The following ANO3 variants were observed in gnomAD, a reference collection of about 807,000 sequenced individuals.
ANO3 encodes anoctamin-3.
A neutral mutation model predicts 144.8 loss-of-function variants in ANO3; 99 were observed. The ratio of observed to expected loss-of-function variants is 0.68; its 90% CI spans 0.58 to 0.81. The LOEUF (loss-of-function observed/expected upper bound fraction) is 0.81. ANO3 is among the 30% of genes least tolerant of loss of function. The pLI is 0.00. For missense variants in ANO3, 905 were observed against 1,202.2 expected, an observed-to-expected ratio of 0.75 and a Z score of 3.66; for synonymous variants, 414 against 392.6, an observed-to-expected ratio of 1.05 and a Z score of -0.64.
chr11:26,582,312 G>A (rs1425863997), intron 14 of ANO3, among the ~76,000 whole-genome samples: 4 of 152,144 alleles, frequency 2.6e-5, no homozygotes, highest in Non-Finnish European at 4.4e-5. Flanking sequence ...TTCTAACTGA[G>A]GTACTATATC....
chr11:26,564,279 T>C (rs61877026), intron 14 of ANO3, among the ~76,000 whole-genome samples: 4,974 of 151,756 alleles, frequency 0.033, 126 homozygotes, highest in Non-Finnish European at 0.053. Context: ...AGTGGTATTA[T>C]AAAAAGCCTA....
intron 1 of ANO3, among the ~76,000 whole-genome samples, chr11:26,250,744 T>G (rs1288620385): frequency 6.6e-6 from 1 of 152,224 alleles, no homozygotes; most frequent in East Asian, 1.9e-4. Flanking sequence ...TGATAGTATA[T>G]GAGTCTCTTT....
At chr11:26,350,120 C>T (rs759235488) in intron 1 of ANO3, among the ~76,000 whole-genome samples, 17 of 152,254 alleles carry the variant, frequency 1.1e-4, no homozygotes, top group Non-Finnish European at 2.4e-4. Flanking sequence ...GAGAAACCGA[C>T]AAATGCAACC....
chr11:26,263,640 C>A (rs1853244824), intron 1 of ANO3, among the ~76,000 whole-genome samples: 1 of 152,156 alleles, frequency 6.6e-6, no homozygotes, highest in Admixed American at 6.5e-5. Flanking sequence ...TGACTAAGGA[C>A]TACCTAAGAG....
At chr11:26,495,132 T>C (rs924167735) in intron 4 of ANO3, among the ~76,000 whole-genome samples, 1 of 148,874 alleles carries the variant, frequency 6.7e-6, no homozygotes, top group Admixed American at 6.8e-5. Context: ...TGAGACAGGG[T>C]CTTGCTTTGT....
chr11:26,293,247 A>G (rs1295804851), intron 1 of ANO3, among the ~76,000 whole-genome samples: 4 of 152,128 alleles, frequency 2.6e-5, no homozygotes. Flanking sequence ...AAACCTAAAT[A>G]AAAAGGCATA....
chr11:26,310,442 C>G (rs1854479275), intron 1 of ANO3, among the ~76,000 whole-genome samples: 1 of 152,142 alleles, frequency 6.6e-6, no homozygotes, highest in African/African-American at 2.4e-5. Context: ...TAAACATTGG[C>G]CATACTTGCA....
At chr11:26,405,124 C>T (rs1361323331) in intron 1 of ANO3, among the ~76,000 whole-genome samples, 2 of 151,668 alleles carry the variant, frequency 1.3e-5, no homozygotes, top group East Asian at 1.9e-4. Context: ...CCTCTTCACA[C>T]TCTATGGGAT....
rs68138224 is a variant in ANO3, at chr11:26,539,133, TACACACACACACAC to T, written c.1032+1700_1032+1713del. On this transcript the variant is annotated intron_variant, in intron 10 of 26. Coordinates refer to ENST00000256737, the MANE Select transcript of ANO3 (RefSeq NM_031418.4). The stretch of plus-strand genomic sequence containing the variant: ...GGAAAAATAAAGGGAACAAGAGAAA[TACACACACACACAC>T]ACACACACACACACACACACACACA... Among the ~76,000 whole-genome samples the T allele has an allele frequency of 1.5e-3, 221 of 149,302 alleles. 1 individual carries two copies. Among genetic ancestry groups the T allele is most frequent in the Admixed American group, 3.4e-3 (51 of 14,974 alleles).
intron 18 of ANO3, among the ~76,000 whole-genome samples, chr11:26,631,413 A>G (rs1414353730): frequency 6.6e-6 from 1 of 152,088 alleles, no homozygotes; most frequent in Non-Finnish European, 1.5e-5. Context: ...AAATAGTGAG[A>G]ATCATGATCA....
intron 14 of ANO3, among the ~76,000 whole-genome samples, chr11:26,584,250 C>T (rs548854616): frequency 1.3e-5 from 2 of 152,230 alleles, no homozygotes; most frequent in South Asian, 4.1e-4. Flanking sequence ...CCTCCGCCTC[C>T]TGTGTTCAAG....
At chr11:26,361,266 C>T (rs889805869) in intron 1 of ANO3, among the ~76,000 whole-genome samples, 18 of 152,114 alleles carry the variant, frequency 1.2e-4, no homozygotes, top group African/African-American at 4.3e-4. Context: ...TCTATATTTA[C>T]AGCAATTTGG....
At chr11:26,596,109 G>T (rs577191027) in intron 14 of ANO3, among the ~76,000 whole-genome samples, 1 of 152,252 alleles carries the variant, frequency 6.6e-6, no homozygotes, top group South Asian at 2.1e-4. Context: ...ATCAATTACA[G>T]GTTTTAAATT....
chr11:26,652,580 T>G (rs1487619907), intron 24 of ANO3, among the ~76,000 whole-genome samples: 3 of 152,184 alleles, frequency 2.0e-5, no homozygotes. Flanking sequence ...TTCTCATACA[T>G]TATGTATTTT....
At chr11:26,243,400 T>G (rs11029419) in intron 1 of ANO3, among the ~76,000 whole-genome samples, 2,520 of 152,046 alleles carry the variant, frequency 0.017, 55 homozygotes, top group East Asian at 0.13. Context: ...AGCTTTGATG[T>G]GTATACGTAA....
chr11:26,354,554 C>A (rs1855727498), intron 1 of ANO3, among the ~76,000 whole-genome samples: 1 of 152,152 alleles, frequency 6.6e-6, no homozygotes, highest in African/African-American at 2.4e-5. Flanking sequence ...CCTGTCCCAC[C>A]ACTTTGCACT....
chr11:26,526,383 T>G (rs1473829493), intron 7 of ANO3, among the ~76,000 whole-genome samples: 2 of 152,142 alleles, frequency 1.3e-5, no homozygotes, highest in Non-Finnish European at 1.5e-5. Context: ...AGAAAAAGCT[T>G]CTTACCCTTG....
At chr11:26,625,893 A>G (rs955871845) in intron 18 of ANO3, among the ~76,000 whole-genome samples, 2 of 152,118 alleles carry the variant, frequency 1.3e-5, no homozygotes, top group South Asian at 4.1e-4. Context: ...TCAGTTCCTT[A>G]TTTTGCTACT....
chr11:26,429,774 A>G (rs1220906550), intron 1 of ANO3, among the ~76,000 whole-genome samples: 1 of 152,236 alleles, frequency 6.6e-6, no homozygotes, highest in African/African-American at 2.4e-5. Flanking sequence ...AAAGATGACA[A>G]TGCTTAAAAT....
Sources: gnomAD v4.1 joint callset for allele counts (sites outside exome capture counted in the v4.1 genomes callset) on GRCh38, gnomAD v4.1.1 for gene constraint, MANE v1.5 for transcripts, NCBI Gene and HGNC (gene_info 2026-07-23, HGNC 2026-07-21) for gene names.